Variants in SPATA17 observed in about 807,000 individuals in gnomAD.
SPATA17 encodes the protein spermatogenesis associated 17.
A neutral mutation model predicts 62.2 loss-of-function variants in SPATA17; 53 were observed. The observed-to-expected ratio is 0.85, with a 90% CI of 0.68 to 1.07. The LOEUF (loss-of-function observed/expected upper bound fraction) is 1.07, where lower values mean the gene tolerates loss of function less well. Among genes scored for constraint, SPATA17 ranks in the 50% least tolerant of loss-of-function variants. SPATA17 has a pLI of 0.00. For synonymous variants in SPATA17, 146 were observed against 146.8 expected (o/e 0.99, Z 0.04); for missense variants, 466 against 425.5 (o/e 1.10, Z -0.84).
chr1:217,632,199 A>T (rs1185970716), intron 1 of SPATA17, among the ~76,000 whole-genome samples: 1 of 149,648 alleles, frequency 6.7e-6, no homozygotes, highest in Non-Finnish European at 1.5e-5. Context: ...TAAATAAATA[A>T]ATATAAATAA....
At chr1:217,783,572 G>C (rs1305695511) in intron 8 of SPATA17, among the ~76,000 whole-genome samples, 1 of 151,946 alleles carries the variant, frequency 6.6e-6, no homozygotes, top group African/African-American at 2.4e-5. Context: ...AAGCTTCTCA[G>C]ACTTAGCCAA....
chr1:217,643,370 T>C (rs1263041086), intron 1 of SPATA17, among the ~76,000 whole-genome samples: 4 of 152,114 alleles, frequency 2.6e-5, no homozygotes, highest in Non-Finnish European at 4.4e-5. Flanking sequence ...CCCTCATCAC[T>C]CTTGGGCTCT....
intron 1 of SPATA17, among the ~76,000 whole-genome samples, chr1:217,645,967 C>CT (rs547669094): frequency 1.3e-5 from 2 of 151,838 alleles, no homozygotes; most frequent in Non-Finnish European, 1.5e-5. Context: ...ATGATTGGAC[C>CT]TTTTTTTTAA....
At chr1:217,750,102 G>A (rs4846433) in intron 6 of SPATA17, among the ~76,000 whole-genome samples, 112,336 of 147,008 alleles carry the variant, frequency 0.76, 43,333 homozygotes, top group Non-Finnish European at 0.81. Context: ...CATGTTACAA[G>A]CTTTTCACTA....
At chr1:217,820,812 AT>A (rs1000084934) in intron 9 of SPATA17, among the ~76,000 whole-genome samples, 1 of 151,974 alleles carries the variant, frequency 6.6e-6, no homozygotes, top group African/African-American at 2.4e-5. Flanking sequence ...GTCTTAGTCT[AT>A]TTTTTTGTTG....
chr1:217,704,011 A>T (rs1333633152), intron 5 of SPATA17, among the ~76,000 whole-genome samples: 4 of 151,310 alleles, frequency 2.6e-5, no homozygotes, highest in Non-Finnish European at 5.9e-5. Flanking sequence ...TCTTTATTTC[A>T]TGTTGCTATT....
At chr1:217,844,758 T>C (rs1305742763) in intron 9 of SPATA17, among the ~76,000 whole-genome samples, 1 of 152,154 alleles carries the variant, frequency 6.6e-6, no homozygotes, top group Admixed American at 6.6e-5. Flanking sequence ...TGCTTTCATA[T>C]GTAAGTGACA....
At chr1:217,717,364 C>T (rs1474085942) in intron 5 of SPATA17, among the ~76,000 whole-genome samples, 1 of 152,172 alleles carries the variant, frequency 6.6e-6, no homozygotes, top group Admixed American at 6.5e-5. Context: ...AATCCTAACA[C>T]TTTGGAAGGC....
At chr1:217,857,013 C>A (rs1675802455) in intron 9 of SPATA17, among the ~76,000 whole-genome samples, 1 of 152,126 alleles carries the variant, frequency 6.6e-6, no homozygotes, top group South Asian at 2.1e-4. Flanking sequence ...TCTTGCCATG[C>A]TCCTTTTTTC....
chr1:217,705,038 C>G (rs969047195), intron 5 of SPATA17, among the ~76,000 whole-genome samples: 1 of 152,124 alleles, frequency 6.6e-6, no homozygotes, highest in Non-Finnish European at 1.5e-5. Flanking sequence ...ATAAGTGTTG[C>G]CTTTTTTTGC....
chr1:217,699,515 T>C (rs1000012857), intron 5 of SPATA17, among the ~76,000 whole-genome samples: 36 of 152,220 alleles, frequency 2.4e-4, no homozygotes, highest in African/African-American at 8.2e-4. Context: ...TTTTGAGAAC[T>C]GTCTTTTCAT....
chr1:217,686,347 A>G (rs1571730696), intron 5 of SPATA17, among the ~76,000 whole-genome samples: 1 of 152,210 alleles, frequency 6.6e-6, no homozygotes, highest in East Asian at 1.9e-4. Flanking sequence ...CTTTATTTCC[A>G]GATAATTATT....
chr1:217,766,681 A>G (rs4584456), intron 6 of SPATA17, among the ~76,000 whole-genome samples: 1 of 150,232 alleles, frequency 6.7e-6, no homozygotes, highest in African/African-American at 2.4e-5. Flanking sequence ...CCCTTTTTTT[A>G]AAAAAATGTA....
chr1:217,667,804 A>G (rs1279878188), intron 3 of SPATA17, among the ~76,000 whole-genome samples: 1 of 152,266 alleles, frequency 6.6e-6, no homozygotes, highest in African/African-American at 2.4e-5. Flanking sequence ...AATATTTTAA[A>G]TCACCTCAAA....
intron 5 of SPATA17, among the ~76,000 whole-genome samples, chr1:217,732,096 C>T (rs182771560): frequency 6.6e-6 from 1 of 152,016 alleles, no homozygotes; most frequent in Admixed American, 6.6e-5. Context: ...CTCTCTCTCT[C>T]TCTCTCTCTC....
intron 6 of SPATA17, among the ~76,000 whole-genome samples, chr1:217,765,159 CT>C (rs141466369): frequency 0.011 from 1,637 of 150,210 alleles, 22 homozygotes; most frequent in African/African-American, 0.038. Context: ...ATCTTCTTTC[CT>C]TTTTTTTTGT....
At chr1:217,825,235 T>C (rs2102998951) in intron 9 of SPATA17, among the ~76,000 whole-genome samples, 1 of 151,858 alleles carries the variant, frequency 6.6e-6, no homozygotes, top group Non-Finnish European at 1.5e-5. Flanking sequence ...AAAGGTGGAA[T>C]CAATAAGAAT....
intron 8 of SPATA17, among the ~76,000 whole-genome samples, chr1:217,792,429 T>C (rs1223726125): frequency 6.6e-6 from 1 of 152,196 alleles, no homozygotes; most frequent in Non-Finnish European, 1.5e-5. Context: ...TCTAGTGGCA[T>C]CTCTTCCTTC....
chr1:217,719,669 T>C (rs1216733678), intron 5 of SPATA17, among the ~76,000 whole-genome samples: 1 of 152,124 alleles, frequency 6.6e-6, no homozygotes, highest in Non-Finnish European at 1.5e-5. Context: ...TAATACAAGA[T>C]GAATAACTTT....
Sources: gnomAD v4.1 joint callset for allele counts (sites outside exome capture counted in the v4.1 genomes callset) on GRCh38, gnomAD v4.1.1 for gene constraint, MANE v1.5 for transcripts, NCBI Gene and HGNC (gene_info 2026-07-23, HGNC 2026-07-21) for gene names.